Variants in CPA5 observed in about 807,000 individuals in gnomAD.
The protein encoded by CPA5 is carboxypeptidase A5, also known as testicular tissue protein Li 32.
CPA5 carries 38 observed loss-of-function variants against 52.2 expected under a neutral mutation model. The ratio of observed to expected loss-of-function variants is 0.73; its 90% CI spans 0.56 to 0.95. The LOEUF is 0.95. CPA5 is among the 40% of genes least tolerant of loss of function. CPA5 has a pLI of 0.00. For synonymous variants in CPA5, 198 were observed against 213.7 expected (o/e 0.93, Z 0.64); for missense variants, 519 against 566.7 (o/e 0.92, Z 0.86).
intron 10 of CPA5, 47 bp downstream of exon 10, chr7:130,363,556 G>T (rs1795912297): frequency 1.4e-6 from 2 of 1,467,256 alleles, no homozygotes; most frequent in Non-Finnish European, 1.9e-6. Flanking sequence ...AGAGGTGTTG[G>T]CCCATGGCAG....
rs1796195094 is a variant in CPA5 at position 130,368,002 on chromosome 7, TC to T, written c.1123+16del. 6.2e-6 allele frequency: 10 copies of T among 1,611,746 alleles called. No individual in the cohort carries two copies. Among genetic ancestry groups the T allele is most frequent in the Non-Finnish European group, 8.5e-6 (10 of 1,177,808 alleles). On this transcript the variant is annotated intron_variant, in intron 12 of 12. Coordinates refer to ENST00000474905, the MANE Select transcript of CPA5 (RefSeq NM_080385.5). ...CAGCACCACCCTCTGTGAGTGAGCC[TC>T]CCCTGGCCCTGCTTCAGACACCACA...
intron 5 of CPA5, among the ~76,000 whole-genome samples, chr7:130,354,292 T>A (rs1384136996): frequency 6.6e-6 from 1 of 152,232 alleles, no homozygotes; most frequent in Non-Finnish European, 1.5e-5. Context: ...CTTTCCCATT[T>A]CACTCTTGTT....
At chr7:130,363,317 T>C in intron 9 of CPA5, 102 bp from the exon 10 acceptor site, 9 of 924,122 alleles carry the variant, frequency 9.7e-6, no homozygotes, top group Non-Finnish European at 1.5e-5. Context: ...TGCTCCTCCC[T>C]GCCCCACTAG....
At chr7:130,365,265 G>T (rs150599210) in intron 10 of CPA5, among the ~76,000 whole-genome samples, 4 of 152,206 alleles carry the variant, frequency 2.6e-5, no homozygotes, top group African/African-American at 9.7e-5. Context: ...CTTGCCTCAG[G>T]GGGGGCATCC....
Position 130,346,626 on chromosome 7 carries a change from G to A in CPA5, c.116+25G>A, listed in dbSNP as rs1338498498. Reference sequence around the variant, plus strand: ...GGTGAGTGGCTGCTCCACAGTGGGAGGGAGGACTGGCTGGGAGGAGGGGAC... The same window carrying A: ...GGTGAGTGGCTGCTCCACAGTGGGAAGGAGGACTGGCTGGGAGGAGGGGAC... On this transcript the variant is annotated intron_variant, in intron 3 of 12. Transcript: ENST00000474905. The A allele has an allele frequency of 6.3e-6, 10 of 1,587,808 alleles. 1 individual carries two copies. In the Middle Eastern group the frequency reaches 6.7e-4, roughly 106 times the overall value.
chr7:130,361,524 G>A (rs1388901565), intron 7 of CPA5, among the ~76,000 whole-genome samples: 1 of 152,170 alleles, frequency 6.6e-6, no homozygotes, highest in African/African-American at 2.4e-5. Context: ...TGTCACCCTG[G>A]ACTTGGGGTG....
intron 3 of CPA5, among the ~76,000 whole-genome samples, chr7:130,347,084 C>T (rs1185649592): frequency 2.0e-5 from 3 of 152,250 alleles, no homozygotes; most frequent in East Asian, 3.9e-4. Flanking sequence ...GGTGGATGCC[C>T]CACAGTGCTC....
intron 10 of CPA5, 88 bp downstream of exon 10, chr7:130,363,597 C>T: frequency 1.8e-6 from 2 of 1,125,458 alleles, no homozygotes; most frequent in Non-Finnish European, 2.6e-6. Context: ...TATGTTGACT[C>T]AACTTGGGAG....
chr7:130,353,596 C>T (rs2117348527), intron 5 of CPA5, among the ~76,000 whole-genome samples: 1 of 152,282 alleles, frequency 6.6e-6, no homozygotes, highest in Middle Eastern at 3.4e-3. Flanking sequence ...TCACTCAGAC[C>T]AGAAGCTGGG....
At chr7:130,368,285 G>T (rs1796212498) in intron 12 of CPA5, 125 bp from the exon 13 acceptor site, 11 of 877,556 alleles carry the variant, frequency 1.3e-5, no homozygotes, top group Non-Finnish European at 1.8e-5. Flanking sequence ...AGGAAGCCTG[G>T]TGTGGCCTGG....
chr7:130,365,009 G>C (rs1258433754), intron 10 of CPA5, among the ~76,000 whole-genome samples: 1 of 152,202 alleles, frequency 6.6e-6, no homozygotes, highest in African/African-American at 2.4e-5. Flanking sequence ...CACAGGGGAC[G>C]GTGTCATTGC....
intron 5 of CPA5, among the ~76,000 whole-genome samples, chr7:130,350,947 A>G (rs552359284): frequency 1.3e-5 from 2 of 152,336 alleles, no homozygotes; most frequent in East Asian, 3.9e-4. Context: ...TACCTGTGGA[A>G]CTGTATCCAT....
chr7:130,345,388 G>A (rs1466772989), intron 1 of CPA5, 183 bp downstream of exon 1: 1 of 152,220 alleles, frequency 6.6e-6, no homozygotes, highest in Non-Finnish European at 1.5e-5. Context: ...TTCAGCTTCT[G>A]CCTTACCCCC....
chr7:130,346,646 G>A, intron 3 of CPA5, 45 bp downstream of exon 3: 1 of 1,518,300 alleles, frequency 6.6e-7, no homozygotes, highest in Non-Finnish European at 9.1e-7. Flanking sequence ...GCTGGGAGGA[G>A]GGGACTGGGT....
chr7:130,355,385 A>G (rs1245109003), intron 5 of CPA5, among the ~76,000 whole-genome samples: 5 of 151,860 alleles, frequency 3.3e-5, no homozygotes, highest in African/African-American at 1.2e-4. Flanking sequence ...TCTAATCCTC[A>G]TGAGAACATT....
intron 6 of CPA5, among the ~76,000 whole-genome samples, chr7:130,360,498 C>G (rs1554406320): frequency 6.6e-6 from 1 of 152,254 alleles, no homozygotes; most frequent in Non-Finnish European, 1.5e-5. Context: ...ACTCAAGGCA[C>G]ACGTCTCATT....
intron 10 of CPA5, 26 bp from the exon 11 acceptor site, chr7:130,367,346 T>G (rs1554408660): frequency 6.2e-7 from 1 of 1,610,678 alleles, no homozygotes; most frequent in South Asian, 1.1e-5. Flanking sequence ...GATTTGACTC[T>G]TTGGGTGGCT....
intron 10 of CPA5, among the ~76,000 whole-genome samples, chr7:130,366,262 C>T (rs1796076997): frequency 6.6e-6 from 1 of 152,206 alleles, no homozygotes; most frequent in Non-Finnish European, 1.5e-5. Context: ...AAGAGGAATG[C>T]TGTGGCCTCC....
At chr7:130,367,716 G>A in intron 11 of CPA5, 145 bp downstream of exon 11, 1 of 894,124 alleles carries the variant, frequency 1.1e-6, no homozygotes. Context: ...TGGGGTAGGG[G>A]GAGCTTGCTG....
Sources: gnomAD v4.1 joint callset for allele counts (sites outside exome capture counted in the v4.1 genomes callset) on GRCh38, gnomAD v4.1.1 for gene constraint, MANE v1.5 for transcripts, NCBI Gene and HGNC (gene_info 2026-07-23, HGNC 2026-07-21) for gene names.